POLR3G: variants seen among roughly 807,000 people sequenced by gnomAD.
POLR3G encodes the protein RNA polymerase III subunit G.
A neutral mutation model predicts 30.1 loss-of-function variants in POLR3G; 28 were observed. That is an observed-to-expected ratio of 0.93 (90% CI 0.69 to 1.27). The LOEUF (loss-of-function observed/expected upper bound fraction) is 1.27, where lower values mean the gene tolerates loss of function less well. Among genes scored for constraint, POLR3G ranks in the 50% most tolerant of loss-of-function variants. The pLI is 0.00. For missense variants in POLR3G, 254 were observed against 264.6 expected (o/e 0.96, Z 0.28); for synonymous variants, 79 against 82.5 (o/e 0.96, Z 0.23).
At chr5:90,495,847 C>T (rs550150947) in intron 4 of POLR3G, 114 bp downstream of exon 4, 152 of 1,309,764 alleles carry the variant, frequency 1.2e-4, no homozygotes, top group Non-Finnish European at 1.5e-4. Context: ...GAGTCTGGTT[C>T]TTTTATTGTG....
intron 3 of POLR3G, among the ~76,000 whole-genome samples, chr5:90,490,307 G>A (rs10462342): frequency 0.31 from 43,478 of 142,514 alleles, 7,182 homozygotes; most frequent in Non-Finnish European, 0.39. Flanking sequence ...ATTTCTTTCA[G>A]GGGAAAACTC....
chr5:90,506,295 A>AT (rs889433310), intron 6 of POLR3G, among the ~76,000 whole-genome samples: 14 of 152,204 alleles, frequency 9.2e-5, no homozygotes, highest in African/African-American at 3.1e-4. Flanking sequence ...TAAGCCCAAT[A>AT]TTAATCTGAA....
chr5:90,497,625 T>C, intron 4 of POLR3G, 31 bp from the exon 5 acceptor site: 1 of 1,575,414 alleles, frequency 6.3e-7, no homozygotes, highest in African/African-American at 1.4e-5. Context: ...TAGAGGAAAC[T>C]GCAATTTTTT....
intron 4 of POLR3G, among the ~76,000 whole-genome samples, chr5:90,496,653 C>G (rs1156893585): frequency 6.6e-6 from 1 of 152,210 alleles, no homozygotes; most frequent in African/African-American, 2.4e-5. Context: ...GGCCATGTGG[C>G]CAATACTGTT....
chr5:90,495,862 A>G, intron 4 of POLR3G, 129 bp downstream of exon 4: 1 of 1,219,016 alleles, frequency 8.2e-7, no homozygotes, highest in Non-Finnish European at 1.1e-6. Context: ...ATTGTGATTA[A>G]TTAGTAATCT....
intron 1 of POLR3G, among the ~76,000 whole-genome samples, chr5:90,475,452 A>G (rs1420423341): frequency 6.7e-6 from 1 of 149,084 alleles, no homozygotes; most frequent in Admixed American, 6.7e-5. Context: ...TATAAAAAAT[A>G]AAATTCTATA....
At chr5:90,509,043 A>G (rs1284026414) in intron 7 of POLR3G, among the ~76,000 whole-genome samples, 1 of 152,228 alleles carries the variant, frequency 6.6e-6, no homozygotes, top group Non-Finnish European at 1.5e-5. Flanking sequence ...CCTGGGCAAC[A>G]TATATATATT....
chr5:90,487,852 A>C (rs942338073), intron 2 of POLR3G, 148 bp from the exon 3 acceptor site: 4 of 575,956 alleles, frequency 6.9e-6, no homozygotes, highest in African/African-American at 1.9e-5. Context: ...AATAGACTAC[A>C]GAAGTTCATC....
intron 5 of POLR3G, among the ~76,000 whole-genome samples, chr5:90,499,122 G>T (rs1483725693): frequency 6.6e-6 from 1 of 152,128 alleles, no homozygotes; most frequent in Non-Finnish European, 1.5e-5. Context: ...CAGGGGAATG[G>T]ACCTCAAAAT....
intron 4 of POLR3G, among the ~76,000 whole-genome samples, chr5:90,497,253 TG>T (rs1027544979): frequency 3.3e-5 from 5 of 151,772 alleles, no homozygotes; most frequent in African/African-American, 1.2e-4. Context: ...AACATCCTTT[TG>T]AAAAAAAAAA....
chr5:90,498,755 A>C (rs1197653428), intron 5 of POLR3G, among the ~76,000 whole-genome samples: 2 of 152,250 alleles, frequency 1.3e-5, no homozygotes, highest in Non-Finnish European at 2.9e-5. Flanking sequence ...GAATGTTTAC[A>C]GTTTGTTTTT....
intron 1 of POLR3G, among the ~76,000 whole-genome samples, chr5:90,476,917 A>G (rs1750854123): frequency 6.6e-6 from 1 of 152,094 alleles, no homozygotes; most frequent in African/African-American, 2.4e-5. Context: ...TTTCCTATAA[A>G]ATATATTTTG....
chr5:90,479,220 C>A (rs1349424326), intron 1 of POLR3G, among the ~76,000 whole-genome samples: 1 of 152,102 alleles, frequency 6.6e-6, no homozygotes, highest in African/African-American at 2.4e-5. Flanking sequence ...GCCTGTAATC[C>A]CAGCACTTTG....
At chr5:90,501,203 TACAG>T (rs1267349131) in intron 5 of POLR3G, among the ~76,000 whole-genome samples, 1 of 152,168 alleles carries the variant, frequency 6.6e-6, no homozygotes, top group Non-Finnish European at 1.5e-5. Flanking sequence ...ATATTTGAAG[TACAG>T]ACACTTTACA....
rs1752768662 is a variant in POLR3G, at chr5:90,512,121, G to C, written c.654G>C (p.Met218Ile). The change falls in exon 8 of 8, where the codon ATG (methionine) becomes ATC (isoleucine). Residue 218 changes from methionine to isoleucine, a missense_variant. Met to Ile is a conservative substitution (Grantham distance 10, BLOSUM62 1). Transcript: ENST00000651687. ...TTGGCGCAGACAGTGATGACAACAT[G>C]GATGAGGCAACCTATTAGGCATGAA... ...DDFGADSDDN[M>I]DEATY is the part of the protein sequence containing the mutation. 1 of 1,602,594 alleles carries C rather than the reference G, an allele frequency of 6.2e-7. No homozygotes were observed. The highest frequency in any genetic ancestry group is 8.5e-7 in the Non-Finnish European group (1 of 1,170,200).
chr5:90,512,010 C>CA (rs1389610088), intron 7 of POLR3G, 43 bp from the exon 8 acceptor site: 1 of 1,267,128 alleles, frequency 7.9e-7, no homozygotes, highest in Non-Finnish European at 1.1e-6. Context: ...TCTTACTACT[C>CA]ATTCATTTTA....
At chr5:90,497,767 A>G (rs1752060327) in intron 5 of POLR3G, 61 bp downstream of exon 5, 1 of 1,543,570 alleles carries the variant, frequency 6.5e-7, no homozygotes, top group African/African-American at 1.4e-5. Context: ...CATTCTGTTA[A>G]TATGGATTTG....
chr5:90,506,789 GTATATTAT>G, intron 7 of POLR3G, 115 bp downstream of exon 7: 1 of 1,368,480 alleles, frequency 7.3e-7, no homozygotes, highest in African/African-American at 1.5e-5. Context: ...GGAACCAGAA[GTATATTAT>G]TATCAATGGC....
intron 1 of POLR3G, among the ~76,000 whole-genome samples, chr5:90,476,540 A>G (rs3805478): frequency 6.6e-5 from 10 of 151,892 alleles, no homozygotes; most frequent in Non-Finnish European, 1.0e-4. Context: ...TAGGGCCCTC[A>G]GTAGTCTGGG....
Sources: allele counts gnomAD v4.1 joint callset (sites outside exome capture counted in the v4.1 genomes callset), GRCh38; gene constraint gnomAD v4.1.1; transcripts MANE v1.5; gene names NCBI Gene and HGNC (gene_info 2026-07-23, HGNC 2026-07-21).